FYB1: variants seen among roughly 807,000 people sequenced by gnomAD.
FYB1 encodes FYN-binding protein 1.
A neutral mutation model predicts 94.1 loss-of-function variants in FYB1; 41 were observed. The observed-to-expected ratio is 0.44, with a 90% CI of 0.34 to 0.57. The LOEUF is 0.57. Among genes scored for constraint, FYB1 ranks in the 20% least tolerant of loss-of-function variants. The probability of loss-of-function intolerance (pLI) is 0.02; values close to 1 mark genes in which losing one functional copy is unlikely to be tolerated. For missense variants in FYB1, 1,050 were observed against 976.8 expected (o/e 1.07, Z -1.00); for synonymous variants, 367 against 353.2 (o/e 1.04, Z -0.44).
At chr5:39,230,256 A>G (rs994496907) in intron 1 of FYB1, among the ~76,000 whole-genome samples, 15 of 152,234 alleles carry the variant, frequency 9.9e-5, no homozygotes. Context: ...AGCAGATGGC[A>G]GGAAGGCCAG....
chr5:39,243,571 G>C (rs1459202662), intron 1 of FYB1, among the ~76,000 whole-genome samples: 1 of 152,098 alleles, frequency 6.6e-6, no homozygotes, highest in Non-Finnish European at 1.5e-5. Flanking sequence ...AAGTCAGGTG[G>C]CGTGATGCCT....
chr5:39,179,879 G>T (rs1207022930), intron 2 of FYB1, among the ~76,000 whole-genome samples: 1 of 152,084 alleles, frequency 6.6e-6, no homozygotes, highest in African/African-American at 2.4e-5. Flanking sequence ...TCACTTGCCT[G>T]GTTTATGCCT....
At chr5:39,190,422 G>A (rs1354278621) in intron 2 of FYB1, among the ~76,000 whole-genome samples, 1 of 152,144 alleles carries the variant, frequency 6.6e-6, no homozygotes, top group East Asian at 1.9e-4. Flanking sequence ...ATCCTGAGGA[G>A]CTATGGACAA....
intron 8 of FYB1, among the ~76,000 whole-genome samples, 163 bp from the exon 9 acceptor site, chr5:39,134,512 C>T (rs1217347468): frequency 6.6e-6 from 1 of 152,178 alleles, no homozygotes; most frequent in Non-Finnish European, 1.5e-5. Context: ...TTTTACTGTA[C>T]TCTGTCAAAG....
At chr5:39,256,606 G>A (rs96436) in intron 1 of FYB1, among the ~76,000 whole-genome samples, 96,422 of 151,994 alleles carry the variant, frequency 0.63, 34,114 homozygotes, top group Non-Finnish European at 0.79. Flanking sequence ...TTAGAAATCG[G>A]AAGCTACGAC....
intron 6 of FYB1, 38 bp from the exon 7 acceptor site, chr5:39,137,758 A>T (rs777489562): frequency 1.3e-6 from 2 of 1,549,354 alleles, no homozygotes; most frequent in Non-Finnish European, 1.7e-6. Flanking sequence ...TCACATCTGC[A>T]GGTGTTGATG....
At chr5:39,225,986 C>T (rs1750455807) in intron 1 of FYB1, among the ~76,000 whole-genome samples, 1 of 152,158 alleles carries the variant, frequency 6.6e-6, no homozygotes, top group African/African-American at 2.4e-5. Context: ...CAGCATTTTG[C>T]CCCAGCTGCA....
chr5:39,128,194 G>A (rs931540623), intron 10 of FYB1, among the ~76,000 whole-genome samples: 2 of 152,116 alleles, frequency 1.3e-5, no homozygotes, highest in Non-Finnish European at 2.9e-5. Context: ...CACAAGAGAA[G>A]AAAAGCAATG....
intron 3 of FYB1, among the ~76,000 whole-genome samples, chr5:39,151,487 G>A (rs993052694): frequency 3.3e-5 from 5 of 152,006 alleles, no homozygotes; most frequent in East Asian, 1.9e-4. Context: ...ACAGGGTCTC[G>A]CTATATTGCC....
In FYB1 at chr5:39,194,993, G is replaced by T. The variant is rs150413875; in HGVS notation, c.1135+6833C>A. On this transcript the variant is annotated intron_variant, in intron 2 of 18. Transcript: ENST00000512982. ...TGCACCAGGTCCTGGGAGAACGAGC[G>T]TGCAGGGTGTGCTGAGGGCCTGGCT... Among the ~76,000 whole-genome samples the T allele has an allele frequency of 2.3e-4, 35 of 152,254 alleles. No homozygotes were observed. In the East Asian group the frequency reaches 4.4e-3, roughly 19 times the overall value.
At chr5:39,121,406 T>C (rs364640) in intron 14 of FYB1, among the ~76,000 whole-genome samples, 102,308 of 151,874 alleles carry the variant, frequency 0.67, 34,708 homozygotes, top group South Asian at 0.73. Context: ...AGTCTTTGAT[T>C]TTGATACTCT....
chr5:39,245,519 A>G (rs1451471867), intron 1 of FYB1, among the ~76,000 whole-genome samples: 1 of 152,028 alleles, frequency 6.6e-6, no homozygotes, highest in African/African-American at 2.4e-5. Context: ...GAGGGCAGAG[A>G]AGCGGGTTCT....
chr5:39,226,122 C>G (rs925670490), intron 1 of FYB1, among the ~76,000 whole-genome samples: 8 of 152,156 alleles, frequency 5.3e-5, no homozygotes, highest in Non-Finnish European at 1.0e-4. Context: ...GACTGAAATG[C>G]GAGCTGAGGA....
At chr5:39,160,054 T>C (rs1473294692) in intron 2 of FYB1, among the ~76,000 whole-genome samples, 1 of 152,174 alleles carries the variant, frequency 6.6e-6, no homozygotes, top group Non-Finnish European at 1.5e-5. Flanking sequence ...CTTAAATGTG[T>C]TTGGATGGCC....
rs565142394 is a variant in FYB1, at chr5:39,231,099, A to G, written c.-27-28112T>C. Among the ~76,000 whole-genome samples the G allele has an allele frequency of 3.5e-5, 5 of 144,794 alleles. No homozygotes were observed. The South Asian group carries it at 1.1e-3, about 33-fold the overall frequency. The allele number at this position is 144,794 out of a possible 152,430, so 95.0% of individuals were successfully genotyped here. A position where few individuals can be genotyped will look rare whatever the true frequency, so the allele number is the denominator to read the frequency against. ...AAGAGCTATTAATCAAGACATATTT[A>G]TTCCAGGAGGCAGTTTGATGGAATA... On this transcript the variant is annotated intron_variant, in intron 1 of 1. Transcript: ENST00000510188.
At chr5:39,160,934 T>C (rs377627789) in intron 2 of FYB1, among the ~76,000 whole-genome samples, 1 of 152,202 alleles carries the variant, frequency 6.6e-6, no homozygotes, top group Non-Finnish European at 1.5e-5. Flanking sequence ...GTGCTCGAAA[T>C]GACATGCTAA....
chr5:39,105,542 T>C lies in FYB1; in HGVS notation c.*1901A>G, dbSNP rs1268059006. 4 of 152,126 alleles carry C rather than the reference T, an allele frequency of 2.6e-5. No individual in the cohort carries two copies. Among genetic ancestry groups the C allele is most frequent in the African/African-American group, 9.7e-5 (4 of 41,418 alleles). The allele number at this position is 152,126 out of a possible 1,614,324, so 9.4% of individuals were successfully genotyped here. ...AAAAAAAATTACTGTCAGACTGCAA[T>C]GCAAGTCTGCCCCAATGAAGGCAGG... On this transcript the variant is annotated 3_prime_UTR_variant, in exon 19 of 19. Coordinates refer to ENST00000512982, the MANE Select transcript of FYB1 (RefSeq NM_001465.6).
Position 39,243,412 on chromosome 5 carries a change from T to G in FYB1, c.-28+30991A>C, listed in dbSNP as rs1403039747. ...TTAAATAGGGAATGCTTTCCCCATT[T>G]CTTGTTTTTGTCAGTTTTGTCAAAG... On this transcript the variant is annotated intron_variant, in intron 1 of 1. Transcript: ENST00000510188. 2.4e-3 allele frequency among the ~76,000 whole-genome samples: 362 copies of G among 151,784 alleles called. 2 individuals carry two copies. Among genetic ancestry groups the G allele is most frequent in the Middle Eastern group, 0.01 (3 of 294 alleles).
At chr5:39,247,088 ATATAT>A (rs1561305996) in intron 1 of FYB1, among the ~76,000 whole-genome samples, 1 of 137,394 alleles carries the variant, frequency 7.3e-6, no homozygotes, top group Non-Finnish European at 1.6e-5. Flanking sequence ...ATATATATAT[ATATAT>A]ATATATATAT....
Sources: allele counts gnomAD v4.1 joint callset (sites outside exome capture counted in the v4.1 genomes callset), GRCh38; gene constraint gnomAD v4.1.1; transcripts MANE v1.5; gene names NCBI Gene and HGNC (gene_info 2026-07-23, HGNC 2026-07-21).